Variants in CSMD1 observed in about 807,000 individuals in gnomAD.
The protein encoded by CSMD1 is CUB and sushi domain-containing protein 1.
Under a neutral mutation model 417.5 loss-of-function variants are expected in CSMD1, and 213 were observed. That is an observed-to-expected ratio of 0.51 (90% CI 0.46 to 0.57). The LOEUF is 0.57. Among genes scored for constraint, CSMD1 ranks in the 20% least tolerant of loss-of-function variants. The pLI is 0.00. For synonymous variants in CSMD1, 2,862 were observed against 1,736.8 expected (o/e 1.65, Z -16.11); for missense variants, 6,923 against 4,529.7 (o/e 1.53, Z -15.17).
intron 3 of CSMD1, among the ~76,000 whole-genome samples, chr8:4,381,299 C>A (rs942752672): frequency 1.3e-5 from 2 of 152,216 alleles, no homozygotes; most frequent in Non-Finnish European, 2.9e-5. Context: ...GGGGAAACCA[C>A]TGGGTGGGGA....
At chr8:4,426,788 T>C (rs915582694) in intron 2 of CSMD1, among the ~76,000 whole-genome samples, 2 of 148,758 alleles carry the variant, frequency 1.3e-5, no homozygotes, top group African/African-American at 4.9e-5. Context: ...GATGATATTA[T>C]ATAATATAGA....
At chr8:4,092,923 T>C (rs554474272) in intron 3 of CSMD1, among the ~76,000 whole-genome samples, 31 of 152,216 alleles carry the variant, frequency 2.0e-4, no homozygotes, top group African/African-American at 5.3e-4. Flanking sequence ...AATATTTATT[T>C]CTCTGAATCC....
At chr8:3,573,851 G>T (rs1022071992) in intron 10 of CSMD1, among the ~76,000 whole-genome samples, 2 of 139,784 alleles carry the variant, frequency 1.4e-5, no homozygotes, top group African/African-American at 5.3e-5. Flanking sequence ...ACATAATTTA[G>T]TGAAATCCAT....
rs111570721 is a variant in CSMD1, at chr8:4,345,390, G to C, written c.415+74563C>G. ...TGTAATTATACACACTTATGCAATA[G>C]AGTATTTTCATACATGGATACAATG... On this transcript the variant is annotated intron_variant, in intron 3 of 69. Coordinates refer to ENST00000635120, the MANE Select transcript of CSMD1 (RefSeq NM_033225.6). Among the ~76,000 whole-genome samples the C allele has an allele frequency of 1.2e-4, 19 of 152,150 alleles. No individual in the cohort carries two copies. The East Asian group carries it at 2.9e-3, about 23-fold the overall frequency.
intron 2 of CSMD1, among the ~76,000 whole-genome samples, chr8:4,454,044 G>T (rs539644629): frequency 6.6e-6 from 1 of 151,734 alleles, no homozygotes; most frequent in Non-Finnish European, 1.5e-5. Flanking sequence ...GGATGGTCTC[G>T]ATCTCCTGAC....
In CSMD1 at chr8:4,911,657, C is replaced by G. The variant is rs140464738; in HGVS notation, c.85+82675G>C. On this transcript the variant is annotated intron_variant, in intron 1 of 69. Coordinates refer to ENST00000635120, the MANE Select transcript of CSMD1 (RefSeq NM_033225.6). The stretch of plus-strand genomic sequence containing the variant: ...TTCATATAATTTACACACTAAATAA[C>G]TACTTCGAAGTCTGCATAAATAGAC... 2.1e-3 allele frequency among the ~76,000 whole-genome samples: 318 copies of G among 152,304 alleles called. 9 individuals carry two copies. The East Asian group carries it at 0.027, about 13-fold the overall frequency.
At position 2,937,571 on chromosome 8, in the gene CSMD1, A is replaced by AC. The variant is rs780862838; in HGVS notation, c.*1013dup. The stretch of plus-strand genomic sequence containing the variant: ...ACATGGCAAACAGAAATTTCTGCAA[A>AC]CCCCCTGCTATTAAGTAGTATCAGA... On this transcript the variant is annotated 3_prime_UTR_variant, in exon 70 of 70. Transcript: ENST00000635120. 2 of 152,158 alleles carry AC rather than the reference A, an allele frequency of 1.3e-5. No homozygotes were observed. The highest frequency in any genetic ancestry group is 2.1e-4 in the South Asian group (1 of 4,824). The allele number at this position is 152,158 out of a possible 1,614,324, so 9.4% of individuals were successfully genotyped here. A position where few individuals can be genotyped will look rare whatever the true frequency, so the allele number is the denominator to read the frequency against.
chr8:3,113,841 G>C (rs988353238), intron 42 of CSMD1, among the ~76,000 whole-genome samples: 7 of 152,166 alleles, frequency 4.6e-5, no homozygotes, highest in African/African-American at 1.7e-4. Flanking sequence ...TCTCTTTATT[G>C]TGCTACCTTT....
chr8:4,969,530 C>T (rs1810105442), intron 1 of CSMD1, among the ~76,000 whole-genome samples: 1 of 151,332 alleles, frequency 6.6e-6, no homozygotes, highest in African/African-American at 2.4e-5. Context: ...GAAGACAGGC[C>T]AGTGTCTAGG....
At chr8:4,150,021 C>G (rs1796484898) in intron 3 of CSMD1, among the ~76,000 whole-genome samples, 1 of 152,158 alleles carries the variant, frequency 6.6e-6, no homozygotes, top group Non-Finnish European at 1.5e-5. Context: ...TTAAAATATC[C>G]TCAACGCTGC....
intron 1 of CSMD1, among the ~76,000 whole-genome samples, chr8:4,800,209 C>G (rs1186790400): frequency 6.6e-6 from 1 of 151,976 alleles, no homozygotes; most frequent in Non-Finnish European, 1.5e-5. Flanking sequence ...GAAGCCAAGG[C>G]GGATGGATCA....
chr8:3,277,594 G>C (rs533304030), intron 26 of CSMD1, among the ~76,000 whole-genome samples: 26 of 152,284 alleles, frequency 1.7e-4, no homozygotes, highest in Middle Eastern at 3.4e-3. Flanking sequence ...TGGCAGGATG[G>C]AGTTGACTTT....
intron 10 of CSMD1, among the ~76,000 whole-genome samples, chr8:3,535,023 C>A (rs760781827): frequency 6.6e-6 from 1 of 152,192 alleles, no homozygotes; most frequent in South Asian, 2.1e-4. Context: ...TCAGAACTCA[C>A]CGTAGCATTC....
chr8:3,220,591 G>A (rs1798150511), intron 28 of CSMD1, among the ~76,000 whole-genome samples: 1 of 152,308 alleles, frequency 6.6e-6, no homozygotes, highest in Non-Finnish European at 1.5e-5. Context: ...CCAGCACTTT[G>A]GGAGGCTGAG....
chr8:4,083,230 A>G (rs905924221), intron 3 of CSMD1, among the ~76,000 whole-genome samples: 2 of 152,132 alleles, frequency 1.3e-5, no homozygotes, highest in East Asian at 1.9e-4. Flanking sequence ...CAGGCCCACC[A>G]ACAGTGTAAA....
At chr8:2,990,112 T>G (rs1390585056) in intron 54 of CSMD1, among the ~76,000 whole-genome samples, 5 of 152,218 alleles carry the variant, frequency 3.3e-5, no homozygotes, top group African/African-American at 1.2e-4. Context: ...TCATTCTCAA[T>G]GGTTCCTTCA....
chr8:3,831,380 G>C (rs1266309982), intron 5 of CSMD1, among the ~76,000 whole-genome samples: 2 of 152,246 alleles, frequency 1.3e-5, no homozygotes, highest in South Asian at 2.1e-4. Context: ...CTTTCCAACA[G>C]AGACAAATGA....
intron 41 of CSMD1, among the ~76,000 whole-genome samples, chr8:3,136,978 T>C (rs1236546888): frequency 6.6e-6 from 1 of 152,202 alleles, no homozygotes; most frequent in Non-Finnish European, 1.5e-5. Flanking sequence ...AATTGAGAGA[T>C]AATAATTGCA....
chr8:3,714,552 T>A (rs1490974041), intron 6 of CSMD1, among the ~76,000 whole-genome samples: 3 of 5,834 alleles, frequency 5.1e-4, no homozygotes, highest in South Asian at 0.01. Context: ...CGAAACCCCA[T>A]CTCTATCCCA....
Sources: gnomAD v4.1 joint callset for allele counts (sites outside exome capture counted in the v4.1 genomes callset) on GRCh38, gnomAD v4.1.1 for gene constraint, MANE v1.5 for transcripts, NCBI Gene and HGNC (gene_info 2026-07-23, HGNC 2026-07-21) for gene names.